Variants in TFIP11 observed in about 807,000 individuals in gnomAD.
The protein encoded by TFIP11 is tuftelin-interacting protein 11.
TFIP11 carries 86 observed loss-of-function variants against 96.8 expected under a neutral mutation model. That is an observed-to-expected ratio of 0.89 (90% CI 0.75 to 1.06). The LOEUF (loss-of-function observed/expected upper bound fraction) is 1.06. Among genes scored for constraint, TFIP11 ranks in the 50% least tolerant of loss-of-function variants. The pLI, the probability that TFIP11 is intolerant of heterozygous loss-of-function variation, is 0.00. For missense variants in TFIP11, 881 were observed against 1,076.7 expected (o/e 0.82, Z 2.54); for synonymous variants, 405 against 395.2 (o/e 1.02, Z -0.29).
At position 26,510,117 on chromosome 22, in the gene TFIP11, C is replaced by G; in HGVS notation, c.156G>C (p.Gly52=). 1 of 1,614,152 alleles carries G rather than the reference C, an allele frequency of 6.2e-7. No individual in the cohort carries two copies. The highest frequency in any genetic ancestry group is 8.5e-7 in the Non-Finnish European group (1 of 1,180,046). The change falls in exon 4 of 15, where the codon GGG becomes GGC. Residue 52 remains glycine (G), a synonymous_variant. Transcript: ENST00000407690. ...CATCCGAGTCTCGCTCTGCCCACAC[C>G]CCGTAGGTGGCTTCTTCCTTGGTCT... ...HWQTKEEATY[G]VWAERDSDDE... is the part of the protein sequence containing the mutation.
Position 26,499,436 on chromosome 22 carries a change from G to T in TFIP11, c.997C>A (p.Gln333Lys). Reference protein sequence around the residue: ...NLQLLIDLTEQEIIQNDRQLQ... With the variant: ...NLQLLIDLTEKEIIQNDRQLQ... ...TGCCGGTCATTCTGGATGATCTCCT[G>T]CTCCGTGAGGTCGATGAGCAGCTGC... Residue 333 changes from glutamine to lysine, a missense_variant, in exon 9 of 15, where the codon CAG (glutamine) becomes AAG (lysine). Gln to Lys is a moderately conservative substitution (Grantham distance 53, BLOSUM62 1). Coordinates refer to ENST00000407690, the MANE Select transcript of TFIP11 (RefSeq NM_012143.4). The T allele has an allele frequency of 6.2e-7, 1 of 1,614,170 alleles. No homozygotes were observed. Among genetic ancestry groups the T allele is most frequent in the Non-Finnish European group, 8.5e-7 (1 of 1,180,050 alleles).
intron 14 of TFIP11, chr22:26,492,759 T>G: frequency 5.0e-6 from 1 of 199,176 alleles, no homozygotes. Context: ...ATAGGGCCCA[T>G]ACTGGCTTTA....
chr22:26,503,909 C>G (rs1286528100), intron 6 of TFIP11, 116 bp from the exon 7 acceptor site: 1 of 1,356,572 alleles, frequency 7.4e-7, no homozygotes, highest in African/African-American at 1.4e-5. Flanking sequence ...TAACATGCTA[C>G]TCAGGAAGGA....
At position 26,499,476 on chromosome 22, in the gene TFIP11, C is replaced by T. The variant is rs760120238; in HGVS notation, c.957G>A (p.Glu319=). The part of the protein sequence containing the change: ...EAKAPGFALP[E]LEHNLQLLID... ...TGAGCAGCTGCAGGTTGTGCTCCAG[C>T]TCGGGCAGCGCGAAGCCGGGGGCCT... Residue 319 remains glutamate (E), a synonymous_variant, in exon 9 of 15, where the codon GAG becomes GAA. Transcript: ENST00000407690. 2 of 1,614,182 alleles carry T rather than the reference C, an allele frequency of 1.2e-6. No individual in the cohort carries two copies. Among genetic ancestry groups the T allele is most frequent in the African/African-American group, 2.7e-5 (2 of 75,064 alleles).
At chr22:26,509,258 C>T (rs1220836069) in intron 4 of TFIP11, among the ~76,000 whole-genome samples, 1 of 152,176 alleles carries the variant, frequency 6.6e-6, no homozygotes, top group Non-Finnish European at 1.5e-5. Context: ...TGCTTCCCAT[C>T]AAGGGCCTTT....
In TFIP11 at chr22:26,492,048, TG is replaced by T; in HGVS notation, c.2478del (p.Thr827ProfsTer6). 1 of 1,606,364 alleles carries T rather than the reference TG, an allele frequency of 6.2e-7. No individual in the cohort carries two copies. Among genetic ancestry groups the T allele is most frequent in the Admixed American group, 1.7e-5 (1 of 58,934 alleles). On this transcript the variant is annotated frameshift_variant, in exon 15 of 15. Coordinates refer to ENST00000407690, the MANE Select transcript of TFIP11 (RefSeq NM_012143.4). LOFTEE classifies it high-confidence loss of function. ...VFVQGEKTWV[P>X]TSLQSLIDMA... Reference sequence around the variant, plus strand: ...ATGTCGATCAGGCTCTGCAGTGAGGTGGGCACCCACGTCTTCTCGCCCTGGA... The same window carrying T: ...ATGTCGATCAGGCTCTGCAGTGAGGTGGCACCCACGTCTTCTCGCCCTGGA...
At position 26,503,709 on chromosome 22, in the gene TFIP11, A is replaced by C; in HGVS notation, c.605T>G (p.Met202Arg). The C allele has an allele frequency of 1.2e-6, 2 of 1,614,032 alleles. No individual in the cohort carries two copies. The highest frequency in any genetic ancestry group is 2.2e-5 in the East Asian group (1 of 44,866). ...TGAGTCAACCACAGGGAAGTCTTGCATGGACTGAGTGGTGCGCTCGGATCC... is the reference window on the plus strand; with the variant it reads ...TGAGTCAACCACAGGGAAGTCTTGCCTGGACTGAGTGGTGCGCTCGGATCC... ...AYGSERTTQSMQDFPVVDSEE... is the reference protein window; with the variant it reads ...AYGSERTTQSRQDFPVVDSEE... The change falls in exon 7 of 15, where the codon ATG (methionine) becomes AGG (arginine). Residue 202 changes from methionine (M) to arginine (R), a missense_variant. Coordinates refer to ENST00000407690, the MANE Select transcript of TFIP11 (RefSeq NM_012143.4).
chr22:26,494,511 C>T (rs931606496), intron 13 of TFIP11: 9 of 715,602 alleles, frequency 1.3e-5, no homozygotes, highest in Non-Finnish European at 2.1e-5. Context: ...TGTAAACTCT[C>T]TGAGCCTCAG....
chr22:26,507,570 C>T (rs1228782428), intron 4 of TFIP11, among the ~76,000 whole-genome samples: 2 of 148,752 alleles, frequency 1.3e-5, no homozygotes, highest in Admixed American at 6.8e-5. Flanking sequence ...GTTGAAGCTG[C>T]GGTGAACTAT....
At chr22:26,494,421 A>T in intron 13 of TFIP11, 117 bp from the exon 14 acceptor site, 1 of 1,206,432 alleles carries the variant, frequency 8.3e-7, no homozygotes, top group Non-Finnish European at 1.2e-6. Flanking sequence ...ACTACTTTAC[A>T]GGGATTTATA....
intron 5 of TFIP11, 29 bp from the exon 6 acceptor site, chr22:26,506,488 T>TA (rs768622345): frequency 7.6e-6 from 12 of 1,581,522 alleles, no homozygotes; most frequent in Non-Finnish European, 1.0e-5. Flanking sequence ...AAAGCTTAGT[T>TA]AATGGAAAAA....
chr22:26,495,524 G>A (rs910213227), intron 12 of TFIP11, among the ~76,000 whole-genome samples: 2 of 150,742 alleles, frequency 1.3e-5, no homozygotes, highest in Admixed American at 6.6e-5. Context: ...TTAAGCTCCC[G>A]ACATAGCGAT....
intron 7 of TFIP11, among the ~76,000 whole-genome samples, chr22:26,502,951 C>T (rs1183902219): frequency 6.6e-6 from 1 of 152,204 alleles, no homozygotes; most frequent in African/African-American, 2.4e-5. Context: ...GTCAATCCCA[C>T]ATTTATCAAA....
intron 4 of TFIP11, among the ~76,000 whole-genome samples, chr22:26,508,697 T>C (rs1923703943): frequency 6.6e-6 from 1 of 151,900 alleles, no homozygotes; most frequent in Non-Finnish European, 1.5e-5. Context: ...ATACAAAAAT[T>C]AGCTGGGTGT....
intron 6 of TFIP11, chr22:26,506,092 C>T: frequency 2.1e-6 from 1 of 486,688 alleles, no homozygotes; most frequent in Non-Finnish European, 3.5e-6. Flanking sequence ...GTTTTAGACC[C>T]TAACCCTTTC....
In TFIP11 at chr22:26,496,323, A is replaced by G; in HGVS notation, c.1606-7T>C. 6.3e-7 allele frequency: 1 copy of G among 1,586,868 alleles called. No homozygotes were observed. Among genetic ancestry groups the G allele is most frequent in the Non-Finnish European group, 8.6e-7 (1 of 1,162,120 alleles). On this transcript the variant is annotated splice_region_variant and splice_polypyrimidine_tract_variant and intron_variant, in intron 11 of 14. Coordinates refer to ENST00000407690, the MANE Select transcript of TFIP11 (RefSeq NM_012143.4). Reference sequence around the variant, plus strand: ...GCGGGTTCCAGTTTTCCACCTGCGAAGTGGGGAGGAGAAACAGTTCATGTC... The same window carrying G: ...GCGGGTTCCAGTTTTCCACCTGCGAGGTGGGGAGGAGAAACAGTTCATGTC...
intron 13 of TFIP11, 81 bp downstream of exon 13, chr22:26,494,716 C>G: frequency 8.3e-6 from 13 of 1,575,722 alleles, no homozygotes; most frequent in Non-Finnish European, 1.1e-5. Flanking sequence ...GGAATTGTAC[C>G]TACAGTCAGG....
chr22:26,503,246 G>T (rs886550194), intron 7 of TFIP11, among the ~76,000 whole-genome samples: 1 of 151,962 alleles, frequency 6.6e-6, no homozygotes, highest in African/African-American at 2.4e-5. Flanking sequence ...CCCTCCCACC[G>T]CAAGGGCTTC....
In TFIP11 at chr22:26,499,332, C is replaced by T. The variant is rs770492137; in HGVS notation, c.1101G>A (p.Glu367=). The T allele has an allele frequency of 1.9e-6, 3 of 1,614,128 alleles. No homozygotes were observed. The highest frequency in any genetic ancestry group is 1.1e-5 in the South Asian group (1 of 91,086). The stretch of plus-strand genomic sequence containing the variant: ...CCTTGCTGAGGTTCGAGATGACCCG[C>T]TCCTCGTGGTCCAGGACCTCGGTCA... The part of the protein sequence containing the change: ...EKMTEVLDHE[E]RVISNLSKVL... Residue 367 remains glutamate, a synonymous_variant, in exon 9 of 15, where the codon GAG becomes GAA. Coordinates refer to ENST00000407690, the MANE Select transcript of TFIP11 (RefSeq NM_012143.4).
Sources: gnomAD v4.1 joint callset for allele counts (sites outside exome capture counted in the v4.1 genomes callset) on GRCh38, gnomAD v4.1.1 for gene constraint, MANE v1.5 for transcripts, NCBI Gene and HGNC (gene_info 2026-07-23, HGNC 2026-07-21) for gene names.